The following NUBPL variants were observed in gnomAD, a reference collection of about 807,000 sequenced individuals.
NUBPL encodes the protein NUBP iron-sulfur cluster assembly factor, mitochondrial.
Under a neutral mutation model 45.7 loss-of-function variants are expected in NUBPL, and 31 were observed. That is an observed-to-expected ratio of 0.68 (90% CI 0.51 to 0.92). The LOEUF (loss-of-function observed/expected upper bound fraction) is 0.92. Ranked by LOEUF, NUBPL falls within the 40% of genes least tolerant of loss-of-function variation. The pLI, the probability that NUBPL is intolerant of heterozygous loss-of-function variation, is 0.00. For missense variants in NUBPL, 401 were observed against 398.7 expected (o/e 1.01, Z -0.05); for synonymous variants, 144 against 140.9 (o/e 1.02, Z -0.15).
At chr14:31,745,569 ATTTCT>A in intron 6 of NUBPL, among the ~76,000 whole-genome samples, 1 of 150,110 alleles carries the variant, frequency 6.7e-6, no homozygotes, top group African/African-American at 2.5e-5. Flanking sequence ...GCTGGTGTTG[ATTTCT>A]TTTTCAGCTA....
In NUBPL at chr14:31,612,391, G is replaced by A. The variant is rs531856714; in HGVS notation, c.382+13012G>A. On this transcript the variant is annotated intron_variant, in intron 4 of 10. Coordinates refer to ENST00000281081, the MANE Select transcript of NUBPL (RefSeq NM_025152.3). Reference sequence around the variant, plus strand: ...TGAAAAGGTGCTCAACAGGCTGGGCGCAGTGGCTCACGCCTGTAATCCCAG... The same window carrying A: ...TGAAAAGGTGCTCAACAGGCTGGGCACAGTGGCTCACGCCTGTAATCCCAG... Among the ~76,000 whole-genome samples, 232 of 152,302 alleles carry A rather than the reference G, an allele frequency of 1.5e-3. 1 individual carries two copies. Among genetic ancestry groups the A allele is most frequent in the African/African-American group, 5.4e-3 (223 of 41,566 alleles).
intron 6 of NUBPL, among the ~76,000 whole-genome samples, chr14:31,731,473 T>TA (rs1317749539): frequency 1.3e-5 from 2 of 152,354 alleles, no homozygotes; most frequent in East Asian, 1.9e-4. Flanking sequence ...TTATGTAGCA[T>TA]AGTCCAAAGA....
chr14:31,565,386 C>T (rs563243062), intron 3 of NUBPL, among the ~76,000 whole-genome samples: 42 of 152,188 alleles, frequency 2.8e-4, no homozygotes, highest in African/African-American at 1.0e-3. Context: ...GAAAGATATT[C>T]TGAAAGTAGT....
In NUBPL at chr14:31,562,131, C is replaced by A. The variant is rs776199824; in HGVS notation, c.172C>A (p.Pro58Thr). The change falls in exon 2 of 11, where the codon CCA becomes ACA. Residue 58 changes from proline (P) to threonine (T), a missense_variant. Coordinates refer to ENST00000281081, the MANE Select transcript of NUBPL (RefSeq NM_025152.3). ...AACACAAATCATGTCCCGAGGACTT[C>A]CAAAGCAGAAACCGATAGAAGGTGT... ...RRTQIMSRGLPKQKPIEGVKQ... is the reference protein window; with the variant it reads ...RRTQIMSRGLTKQKPIEGVKQ... The A allele has an allele frequency of 1.2e-5, 20 of 1,613,780 alleles. No homozygotes were observed. Among genetic ancestry groups the A allele is most frequent in the Non-Finnish European group, 1.7e-5 (20 of 1,179,806 alleles).
At chr14:31,736,883 C>A (rs2038177164) in intron 6 of NUBPL, among the ~76,000 whole-genome samples, 1 of 152,114 alleles carries the variant, frequency 6.6e-6, no homozygotes, top group Non-Finnish European at 1.5e-5. Flanking sequence ...TTCTGTGATT[C>A]TTGCAGGTGT....
chr14:31,657,798 T>A (rs1265564162), intron 4 of NUBPL, among the ~76,000 whole-genome samples: 2 of 152,208 alleles, frequency 1.3e-5, no homozygotes, highest in Non-Finnish European at 2.9e-5. Context: ...GAGTTTTAAA[T>A]TCCAGCTCTT....
chr14:31,603,833 A>C (rs1368883350), intron 4 of NUBPL, among the ~76,000 whole-genome samples: 1 of 152,184 alleles, frequency 6.6e-6, no homozygotes, highest in Non-Finnish European at 1.5e-5. Flanking sequence ...TGGAATACAT[A>C]CTTAGTTTGC....
intron 6 of NUBPL, among the ~76,000 whole-genome samples, chr14:31,675,177 G>T (rs1245096603): frequency 6.6e-6 from 1 of 152,034 alleles, no homozygotes; most frequent in African/African-American, 2.4e-5. Context: ...GAGAAGTATG[G>T]TGGATACATT....
chr14:31,704,843 G>T (rs1047079394), intron 6 of NUBPL, among the ~76,000 whole-genome samples: 8 of 152,098 alleles, frequency 5.3e-5, no homozygotes, highest in African/African-American at 1.9e-4. Flanking sequence ...GTGGGTTCTT[G>T]GTCTCGCTGA....
chr14:31,785,978 C>T (rs1342359309), intron 6 of NUBPL, among the ~76,000 whole-genome samples: 5 of 151,888 alleles, frequency 3.3e-5, no homozygotes, highest in African/African-American at 7.3e-5. Flanking sequence ...GGCAACATGG[C>T]GAAACCCTGT....
At chr14:31,751,124 G>A (rs377411861) in intron 6 of NUBPL, among the ~76,000 whole-genome samples, 17 of 152,198 alleles carry the variant, frequency 1.1e-4, no homozygotes, top group African/African-American at 4.1e-4. Context: ...TGACAGGTGG[G>A]GATTACAATT....
At chr14:31,814,000 T>C (rs566517835) in intron 7 of NUBPL, among the ~76,000 whole-genome samples, 1 of 152,348 alleles carries the variant, frequency 6.6e-6, no homozygotes, top group Admixed American at 6.5e-5. Flanking sequence ...AGCATACGTG[T>C]GCATGTGTCT....
At chr14:31,856,540 C>T (rs1260228537) in intron 10 of NUBPL, among the ~76,000 whole-genome samples, 1 of 152,192 alleles carries the variant, frequency 6.6e-6, no homozygotes, top group Non-Finnish European at 1.5e-5. Context: ...AAAGTCTCAT[C>T]TGAGACAAGG....
intron 9 of NUBPL, among the ~76,000 whole-genome samples, chr14:31,848,127 C>T (rs1330801731): frequency 6.6e-6 from 1 of 152,130 alleles, no homozygotes; most frequent in African/African-American, 2.4e-5. Flanking sequence ...GTACAATTAC[C>T]CTAAAAATGT....
At chr14:31,609,635 C>G (rs929162924) in intron 4 of NUBPL, among the ~76,000 whole-genome samples, 2 of 152,154 alleles carry the variant, frequency 1.3e-5, no homozygotes, top group African/African-American at 4.8e-5. Context: ...TTTTCCTCAG[C>G]ACATGGATCA....
chr14:31,580,932 A>G (rs894983557), intron 3 of NUBPL, among the ~76,000 whole-genome samples: 2 of 152,202 alleles, frequency 1.3e-5, no homozygotes, highest in Admixed American at 6.5e-5. Flanking sequence ...TTTTCTGTGT[A>G]CAGTGTAGTG....
intron 4 of NUBPL, among the ~76,000 whole-genome samples, chr14:31,618,856 C>A (rs1391077059): frequency 1.3e-5 from 2 of 152,092 alleles, no homozygotes; most frequent in Non-Finnish European, 2.9e-5. Flanking sequence ...AATTTTCTGT[C>A]TCGTAGATCT....
In NUBPL at chr14:31,859,292, T is replaced by C; in HGVS notation, c.*112T>C. 1 of 895,212 alleles carries C rather than the reference T, an allele frequency of 1.1e-6. No homozygotes were observed. Among genetic ancestry groups the C allele is most frequent in the Non-Finnish European group, 1.8e-6 (1 of 545,058 alleles). The allele number at this position is 895,212 out of a possible 1,614,324, so 55.5% of individuals were successfully genotyped here. A position where few individuals can be genotyped will look rare whatever the true frequency, so the allele number is the denominator to read the frequency against. On this transcript the variant is annotated 3_prime_UTR_variant, in exon 11 of 11. Transcript: ENST00000281081. ...TAATAGAAATCATAACTGTTTTATT[T>C]CTAAGGAAAGAATGTCTTCATATTT...
chr14:31,780,557 A>T (rs182660368), intron 6 of NUBPL, among the ~76,000 whole-genome samples: 36 of 152,328 alleles, frequency 2.4e-4, no homozygotes, highest in Non-Finnish European at 5.0e-4. Flanking sequence ...AGTCTAGAAA[A>T]CAAAACATTT....
Sources: gnomAD v4.1 joint callset for allele counts (sites outside exome capture counted in the v4.1 genomes callset) on GRCh38, gnomAD v4.1.1 for gene constraint, MANE v1.5 for transcripts, NCBI Gene and HGNC (gene_info 2026-07-23, HGNC 2026-07-21) for gene names.